The following PPP1R1C variants were observed in gnomAD, a reference collection of about 807,000 sequenced individuals.
The protein encoded by PPP1R1C is protein phosphatase 1 regulatory inhibitor subunit 1C.
PPP1R1C carries 15 observed loss-of-function variants against 17.4 expected under a neutral mutation model. The ratio of observed to expected loss-of-function variants is 0.86; its 90% CI spans 0.58 to 1.33. The LOEUF (loss-of-function observed/expected upper bound fraction) is 1.33. Among genes scored for constraint, PPP1R1C ranks in the 40% most tolerant of loss-of-function variants. PPP1R1C has a pLI of 0.00. For missense variants in PPP1R1C, 143 were observed against 130.0 expected (o/e 1.10, Z -0.48); for synonymous variants, 35 against 43.1 (o/e 0.81, Z 0.73).
chr2:182,129,623 G>A (rs974376098), exon 6 of PPP1R1C: 5 of 152,076 alleles, frequency 3.3e-5, no homozygotes, highest in Admixed American at 6.6e-5. Flanking sequence ...CATTAATTAT[G>A]TATGACAGGT....
At chr2:181,978,669 T>C (rs1004941546) in intron 2 of PPP1R1C, among the ~76,000 whole-genome samples, 2 of 152,140 alleles carry the variant, frequency 1.3e-5, no homozygotes, top group African/African-American at 4.8e-5. Context: ...CTGAGTGGAA[T>C]GAGCATGGCC....
chr2:181,978,554 C>A (rs542055671), intron 2 of PPP1R1C, among the ~76,000 whole-genome samples: 1 of 152,324 alleles, frequency 6.6e-6, no homozygotes, highest in Admixed American at 6.5e-5. Flanking sequence ...CACTGGAGTA[C>A]TCACAGGTGG....
At chr2:182,105,084 A>C (rs1689205127) in intron 4 of PPP1R1C, among the ~76,000 whole-genome samples, 2 of 152,172 alleles carry the variant, frequency 1.3e-5, no homozygotes, top group African/African-American at 4.8e-5. Context: ...GGGGTGGAAA[A>C]AAAATGAAGG....
chr2:181,985,648 T>A (rs1308803871), upstream of PPP1R1C, among the ~76,000 whole-genome samples: 1 of 152,164 alleles, frequency 6.6e-6, no homozygotes, highest in East Asian at 1.9e-4. The surrounding 1 kb of genome is among the most constrained non-coding windows in gnomAD (Gnocchi z 4.1). Context: ...TGCTTGATGT[T>A]CATCAATAAT....
intron 2 of PPP1R1C, among the ~76,000 whole-genome samples, chr2:182,051,156 G>C (rs1318540790): frequency 6.6e-6 from 1 of 152,180 alleles, no homozygotes. Context: ...AAAGAAGTGG[G>C]GAAAGAATAT....
chr2:182,079,062 A>T (rs560762477), intron 4 of PPP1R1C, among the ~76,000 whole-genome samples: 63 of 152,340 alleles, frequency 4.1e-4, no homozygotes, highest in Admixed American at 2.0e-3. Context: ...TGATATGGAG[A>T]CAAGATCAGA....
At chr2:182,034,705 C>T (rs1436236223) in intron 2 of PPP1R1C, among the ~76,000 whole-genome samples, 1 of 152,112 alleles carries the variant, frequency 6.6e-6, no homozygotes. Context: ...GTGCGAATGT[C>T]AATAAGTGGG....
intron 4 of PPP1R1C, among the ~76,000 whole-genome samples, chr2:182,102,236 T>G (rs1460176928): frequency 1.3e-5 from 2 of 152,222 alleles, no homozygotes; most frequent in Non-Finnish European, 2.9e-5. Context: ...ATTCTATATA[T>G]GAACTCACCT....
chr2:182,067,512 A>G (rs1688019592), intron 4 of PPP1R1C, among the ~76,000 whole-genome samples: 1 of 152,150 alleles, frequency 6.6e-6, no homozygotes, highest in Non-Finnish European at 1.5e-5. Context: ...CAAATGAAAC[A>G]TGATCTTCCA....
At chr2:181,978,217 C>T (rs965950900) in intron 2 of PPP1R1C, among the ~76,000 whole-genome samples, 3 of 152,162 alleles carry the variant, frequency 2.0e-5, no homozygotes, top group Non-Finnish European at 4.4e-5. Context: ...CTCCACCTGG[C>T]CCTGCCCTTA....
At chr2:181,971,874 A>G (rs1395330153) in intron 1 of PPP1R1C, among the ~76,000 whole-genome samples, 1 of 152,144 alleles carries the variant, frequency 6.6e-6, no homozygotes, top group African/African-American at 2.4e-5. Flanking sequence ...CAGTCCCACA[A>G]TCCCTTTGCT....
chr2:182,072,093 G>A (rs1688157160), intron 4 of PPP1R1C, among the ~76,000 whole-genome samples: 1 of 152,174 alleles, frequency 6.6e-6, no homozygotes, highest in Non-Finnish European at 1.5e-5. Flanking sequence ...AAAAATGTGT[G>A]TACACCACGT....
chr2:181,977,064 G>A (rs989368844), intron 2 of PPP1R1C, among the ~76,000 whole-genome samples: 4 of 140,364 alleles, frequency 2.8e-5, no homozygotes, highest in African/African-American at 1.1e-4. Context: ...TTGAACCCAG[G>A]TGGAGGTTGC....
At position 181,976,097 on chromosome 2, in the gene PPP1R1C, A is replaced by C. The variant is rs1039744308; in HGVS notation, n.157+833A>C. The stretch of plus-strand genomic sequence containing the variant: ...TCATTGTATAACATAGAAAATCATA[A>C]AGAGAAAATATATAACCTATAAACT... On this transcript the variant is annotated intron_variant and non_coding_transcript_variant, in intron 2 of 5. Transcript: ENST00000464264. The surrounding 1 kb of genome is among the most constrained non-coding windows in gnomAD (Gnocchi z 4.8). Among the ~76,000 whole-genome samples the C allele has an allele frequency of 3.3e-5, 5 of 152,250 alleles. No individual in the cohort carries two copies. Among genetic ancestry groups the C allele is most frequent in the Admixed American group, 1.3e-4 (2 of 15,298 alleles).
intron 2 of PPP1R1C, among the ~76,000 whole-genome samples, chr2:182,045,602 T>G (rs1165771931): frequency 6.6e-6 from 1 of 152,118 alleles, no homozygotes; most frequent in Non-Finnish European, 1.5e-5. Flanking sequence ...AATAAAAGTT[T>G]TCCTCTTGTT....
intron 2 of PPP1R1C, among the ~76,000 whole-genome samples, chr2:182,038,990 T>C (rs1687101034): frequency 1.3e-5 from 2 of 152,370 alleles, no homozygotes; most frequent in Middle Eastern, 3.4e-3. Flanking sequence ...TAAGCTGTTA[T>C]TGAAAGTCTG....
At position 181,957,724 on chromosome 2, in the gene PPP1R1C, TC is replaced by T. The variant is rs1008865768; in HGVS notation, n.111+3094del. Among the ~76,000 whole-genome samples the T allele has an allele frequency of 5.9e-5, 9 of 152,124 alleles. No individual in the cohort carries two copies. Among genetic ancestry groups the T allele is most frequent in the Admixed American group, 5.9e-4 (9 of 15,282 alleles). On this transcript the variant is annotated intron_variant and non_coding_transcript_variant, in intron 1 of 5. Transcript: ENST00000464264. This position sits in a 1 kb window ranked among gnomAD's most constrained non-coding sequence, Gnocchi z 4.2. ...ATCTGTCTCCCATGCCCCACTCAGC[TC>T]CCCTTTCCTTGCAAGGCTTGTACTT...
chr2:182,107,460 T>C (rs533565956), intron 4 of PPP1R1C, among the ~76,000 whole-genome samples: 1 of 152,294 alleles, frequency 6.6e-6, no homozygotes, highest in African/African-American at 2.4e-5. Context: ...ATGAGAAAAA[T>C]GTTTATAAAA....
chr2:182,051,925 A>G (rs1479585748), intron 2 of PPP1R1C, among the ~76,000 whole-genome samples: 1 of 151,982 alleles, frequency 6.6e-6, no homozygotes, highest in Non-Finnish European at 1.5e-5. Flanking sequence ...TGCTTGAACC[A>G]GGAGGCTGAG....
Sources: allele counts gnomAD v4.1 joint callset (sites outside exome capture counted in the v4.1 genomes callset), GRCh38; gene constraint gnomAD v4.1.1; non-coding constraint Gnocchi (gnomAD v3.1); transcripts MANE v1.5; gene names NCBI Gene and HGNC (gene_info 2026-07-23, HGNC 2026-07-21).